Variants in ZNF503 observed in about 807,000 individuals in gnomAD.
The protein encoded by ZNF503 is zinc finger protein 503, also known as NocA-like zinc finger 2.
In ZNF503, 15 loss-of-function variants were observed where a neutral mutation model predicts 34.4. The ratio of observed to expected loss-of-function variants is 0.44; its 90% CI spans 0.29 to 0.67. The LOEUF is 0.67. ZNF503 is among the 30% of genes least tolerant of loss of function. ZNF503 has a pLI of 0.13. For synonymous variants in ZNF503, 580 were observed against 456.8 expected (o/e 1.27, Z -3.44); for missense variants, 1,007 against 926.8 (o/e 1.09, Z -1.12).
the ZNF503 span, among the ~76,000 whole-genome samples, chr10:75,319,520 T>A: frequency 6.6e-6 from 1 of 152,182 alleles, no homozygotes; most frequent in South Asian, 2.1e-4. Context: ...CACCCTATAG[T>A]TAAGTTAAAA....
chr10:75,396,434 C>T (rs1843697864), downstream of ZNF503, among the ~76,000 whole-genome samples: 1 of 151,706 alleles, frequency 6.6e-6, no homozygotes. The surrounding 1 kb of genome is among the most constrained non-coding windows in gnomAD (Gnocchi z 4.4). Flanking sequence ...TCCGGGAGGT[C>T]GCTGGGGGTG....
At chr10:75,332,628 C>G in the ZNF503 span, among the ~76,000 whole-genome samples, 1 of 144,920 alleles carries the variant, frequency 6.9e-6, no homozygotes, top group Admixed American at 6.9e-5. Context: ...TGCGGCCTTC[C>G]GCAGTGTTTG....
the ZNF503 span, among the ~76,000 whole-genome samples, chr10:75,347,323 T>A: frequency 1.3e-5 from 2 of 152,066 alleles, no homozygotes; most frequent in Admixed American, 1.3e-4. Flanking sequence ...ATGTGACCCC[T>A]CGACTTATTT....
the ZNF503 span, among the ~76,000 whole-genome samples, chr10:75,317,783 G>T: frequency 2.6e-5 from 4 of 152,082 alleles, no homozygotes; most frequent in Non-Finnish European, 5.9e-5. Context: ...ATCACTTGAG[G>T]TCAGGAGTTT....
At chr10:75,304,870 T>C in the ZNF503 span, among the ~76,000 whole-genome samples, 1 of 152,058 alleles carries the variant, frequency 6.6e-6, no homozygotes, top group African/African-American at 2.4e-5. Context: ...CCTTAAAGAA[T>C]ACAAAACTAG....
chr10:75,313,482 T>G, the ZNF503 span, among the ~76,000 whole-genome samples: 35 of 152,346 alleles, frequency 2.3e-4, no homozygotes, highest in African/African-American at 8.4e-4. Context: ...CCATGTAGGA[T>G]GCTGCTCACT....
At chr10:75,362,947 C>A in the ZNF503 span, among the ~76,000 whole-genome samples, 1 of 152,164 alleles carries the variant, frequency 6.6e-6, no homozygotes, top group Non-Finnish European at 1.5e-5. Flanking sequence ...TACCCCCACC[C>A]CAGCCTTGGC....
chr10:75,389,443 A>G, the ZNF503 span, among the ~76,000 whole-genome samples: 1 of 152,168 alleles, frequency 6.6e-6, no homozygotes, highest in Admixed American at 6.5e-5. Context: ...AAAGTCGCTC[A>G]CATGGGCCAG....
chr10:75,308,883 C>A, the ZNF503 span, among the ~76,000 whole-genome samples: 1 of 152,204 alleles, frequency 6.6e-6, no homozygotes, highest in African/African-American at 2.4e-5. Context: ...ACTCCGTCAC[C>A]CAGGCCAGAG....
At chr10:75,396,541 C>T (rs1431205842), downstream of ZNF503, among the ~76,000 whole-genome samples, 3 of 152,048 alleles carry the variant, frequency 2.0e-5, no homozygotes, top group Non-Finnish European at 4.4e-5. This position sits in a 1 kb window ranked among gnomAD's most constrained non-coding sequence, Gnocchi z 4.4. Context: ...GTGCAAATGG[C>T]GGCAGGGGCC....
At position 75,400,398 on chromosome 10, in the gene ZNF503, G is replaced by C. The variant is rs771113970; in HGVS notation, c.316-24C>G. The C allele has an allele frequency of 2.0e-5, 31 of 1,587,644 alleles. No homozygotes were observed. The South Asian group carries it at 3.5e-4, about 18-fold the overall frequency. ...AGCTGCGGGGTCAGACGATGGGGGG[G>C]GAGCGTCACACAGAGAAAGAAGTGG... On this transcript the variant is annotated intron_variant, in intron 1 of 1. Transcript: ENST00000372524.
chr10:75,372,229 G>A, the ZNF503 span, among the ~76,000 whole-genome samples: 1 of 152,226 alleles, frequency 6.6e-6, no homozygotes, highest in Non-Finnish European at 1.5e-5. Context: ...ACTGTGCCTG[G>A]CCTAAAAAGT....
chr10:75,305,467 TTAAC>T, the ZNF503 span, among the ~76,000 whole-genome samples: 1 of 152,196 alleles, frequency 6.6e-6, no homozygotes, highest in African/African-American at 2.4e-5. Context: ...TATTTGAGGA[TTAAC>T]TATTTATCTT....
chr10:75,288,304 G>C, the ZNF503 span: 2 of 152,332 alleles, frequency 1.3e-5, no homozygotes, highest in African/African-American at 4.8e-5. Context: ...GACAAGAGTA[G>C]AGGAAGTGTG....
chr10:75,377,561 G>A, the ZNF503 span, among the ~76,000 whole-genome samples: 3 of 152,150 alleles, frequency 2.0e-5, no homozygotes, highest in Non-Finnish European at 4.4e-5. Context: ...GTCCATGTAA[G>A]CCGAGGTGGG....
At position 75,398,896 on chromosome 10, in the gene ZNF503, G is replaced by A. The variant is rs917768086; in HGVS notation, c.1794C>T (p.Leu598=). Residue 598 remains leucine, a synonymous_variant, in exon 2 of 2, where the codon CTC becomes CTT. Coordinates refer to ENST00000372524, the MANE Select transcript of ZNF503 (RefSeq NM_032772.6). ...ALRSPHHALG[L]SSRYHPYSKS... ...TGGAGTAGGGGTGGTAGCGGCTGCT[G>A]AGTCCCAGCGCGTGGTGGGGGCTGC... 3.9e-6 allele frequency: 6 copies of A among 1,544,488 alleles called. No homozygotes were observed. Among genetic ancestry groups the A allele is most frequent in the Middle Eastern group, 3.5e-4 (2 of 5,786 alleles).
In ZNF503 at chr10:75,401,592, C is replaced by T. The variant is rs1445878375; in HGVS notation, c.-173G>A. 7 of 739,342 alleles carry T rather than the reference C, an allele frequency of 9.5e-6. No individual in the cohort carries two copies. Among genetic ancestry groups the T allele is most frequent in the Non-Finnish European group, 1.5e-5 (7 of 460,490 alleles). The allele number at this position is 739,342 out of a possible 1,614,324, so 45.8% of individuals were successfully genotyped here. ...GCGCCTGGAGCCAGACGCGAGTAAT[C>T]CTGGGTGGCCCGCAGCGGAGCCGTG... On this transcript the variant is annotated 5_prime_UTR_variant, in exon 1 of 2. Transcript: ENST00000372524.
the ZNF503 span, among the ~76,000 whole-genome samples, chr10:75,300,950 C>T: frequency 6.6e-6 from 1 of 151,996 alleles, no homozygotes; most frequent in Non-Finnish European, 1.5e-5. Context: ...ATGATCCACC[C>T]CCCTGGGTCT....
the ZNF503 span, among the ~76,000 whole-genome samples, chr10:75,297,082 C>T: frequency 6.6e-6 from 1 of 152,120 alleles, no homozygotes; most frequent in Non-Finnish European, 1.5e-5. Context: ...TTCTTAGGAT[C>T]CCCAAGAGTG....
Sources: gnomAD v4.1 joint callset for allele counts (sites outside exome capture counted in the v4.1 genomes callset) on GRCh38, gnomAD v4.1.1 for gene constraint, Gnocchi (gnomAD v3.1) non-coding constraint, MANE v1.5 for transcripts, NCBI Gene and HGNC (gene_info 2026-07-23, HGNC 2026-07-21) for gene names.